Variants in NFIB observed in about 807,000 individuals in gnomAD.
NFIB encodes nuclear factor I B.
A neutral mutation model predicts 61.5 loss-of-function variants in NFIB; 11 were observed. The ratio of observed to expected loss-of-function variants is 0.18; its 90% CI spans 0.11 to 0.30. The LOEUF (loss-of-function observed/expected upper bound fraction) is 0.30, where lower values mean the gene tolerates loss of function less well. Ranked by LOEUF, NFIB falls within the 10% of genes least tolerant of loss-of-function variation. The pLI, the probability that NFIB is intolerant of heterozygous loss-of-function variation, is 1.00. For synonymous variants in NFIB, 260 were observed against 216.5 expected (o/e 1.20, Z -1.76); for missense variants, 471 against 608.9 (o/e 0.77, Z 2.38).
upstream of NFIB, among the ~76,000 whole-genome samples, chr9:14,318,505 C>CTTT (rs34481505): frequency 0.012 from 811 of 66,832 alleles, 28 homozygotes; most frequent in African/African-American, 0.019. Context: ...CACTCGATGC[C>CTTT]TTTTTTTTTT....
At chr9:14,174,200 C>T (rs2045889010) in intron 3 of NFIB, among the ~76,000 whole-genome samples, 2 of 152,016 alleles carry the variant, frequency 1.3e-5, no homozygotes, top group African/African-American at 4.8e-5. Context: ...TTGATTTTAG[C>T]ACTGACCCAT....
chr9:14,232,520 C>T (rs1239473369), intron 2 of NFIB, among the ~76,000 whole-genome samples: 1 of 152,170 alleles, frequency 6.6e-6, no homozygotes, highest in Non-Finnish European at 1.5e-5. Flanking sequence ...AAACAAAAGC[C>T]ATCAGATTTA....
chr9:14,198,621 G>C (rs187157460), intron 2 of NFIB, among the ~76,000 whole-genome samples: 1 of 152,152 alleles, frequency 6.6e-6, no homozygotes, highest in Non-Finnish European at 1.5e-5. Context: ...TGAGATGCTT[G>C]TTAGAAATTC....
chr9:14,327,414 C>T (rs574876746), intron 1 of NFIB, among the ~76,000 whole-genome samples: 15 of 152,132 alleles, frequency 9.9e-5, no homozygotes, highest in East Asian at 9.7e-4. Flanking sequence ...GTCTATATTC[C>T]GTAAGTAAGA....
upstream of NFIB, among the ~76,000 whole-genome samples, chr9:14,400,120 C>G (rs991017321): frequency 7.9e-5 from 12 of 151,910 alleles, no homozygotes; most frequent in African/African-American, 2.9e-4. Context: ...TAGTGTATTG[C>G]AAGCAGCAGA....
At position 14,338,326 on chromosome 9, in the gene NFIB, G is replaced by A. The variant is rs190358129; in HGVS notation, c.109-30806C>T. On this transcript the variant is annotated intron_variant, in intron 1 of 8. Transcript: ENST00000380934. Reference sequence around the variant, plus strand: ...GGAGAATGGCGTGAACCCGGGAGGCGGAGGTTGCAGTGAGCAGAGATCGCG... The same window carrying A: ...GGAGAATGGCGTGAACCCGGGAGGCAGAGGTTGCAGTGAGCAGAGATCGCG... 1.3e-3 allele frequency among the ~76,000 whole-genome samples: 200 copies of A among 152,190 alleles called. 2 individuals are homozygous for A. Among genetic ancestry groups the A allele is most frequent in the East Asian group, 3.9e-3 (20 of 5,176 alleles).
At chr9:14,488,674 G>A in the NFIB span, among the ~76,000 whole-genome samples, 2 of 152,130 alleles carry the variant, frequency 1.3e-5, no homozygotes, top group Admixed American at 6.5e-5. Flanking sequence ...CATAGGCTAC[G>A]CAGCCTCAAC....
At chr9:14,344,870 C>T (rs1289840024) in intron 1 of NFIB, among the ~76,000 whole-genome samples, 2 of 152,132 alleles carry the variant, frequency 1.3e-5, no homozygotes, top group Non-Finnish European at 2.9e-5. Context: ...AACAACATAG[C>T]CATCAAGATT....
chr9:14,219,466 A>G (rs892407912), intron 2 of NFIB, among the ~76,000 whole-genome samples: 4 of 151,580 alleles, frequency 2.6e-5, no homozygotes, highest in Non-Finnish European at 5.9e-5. Flanking sequence ...TCAAAACTGT[A>G]AACCTAAAAT....
At chr9:14,453,822 C>T in the NFIB span, among the ~76,000 whole-genome samples, 120 of 152,006 alleles carry the variant, frequency 7.9e-4, no homozygotes, top group African/African-American at 2.7e-3. Context: ...GTGGCTCACA[C>T]CTGTAATCCC....
At chr9:14,289,564 C>T (rs1013228365) in intron 2 of NFIB, among the ~76,000 whole-genome samples, 4 of 147,564 alleles carry the variant, frequency 2.7e-5, no homozygotes, top group Non-Finnish European at 4.4e-5. Context: ...GATAGATATA[C>T]ACACACACAC....
intron 6 of NFIB, among the ~76,000 whole-genome samples, chr9:14,134,894 T>C (rs113861117): frequency 0.062 from 4,470 of 71,944 alleles, 266 homozygotes; most frequent in African/African-American, 0.22. Flanking sequence ...CGAGACTCTG[T>C]CTCAAAAAAA....
At chr9:14,252,661 T>TACTC (rs112027669) in intron 2 of NFIB, among the ~76,000 whole-genome samples, 36,280 of 151,888 alleles carry the variant, frequency 0.24, 5,464 homozygotes, top group African/African-American at 0.43. Context: ...AACTATCTGT[T>TACTC]ACTACTGGAT....
At chr9:14,098,910 A>G (rs2035297227) in intron 10 of NFIB, among the ~76,000 whole-genome samples, 1 of 152,188 alleles carries the variant, frequency 6.6e-6, no homozygotes. Flanking sequence ...AACTTTCCCA[A>G]AGAGTCAGCT....
the NFIB span, among the ~76,000 whole-genome samples, chr9:14,404,390 C>T: frequency 6.6e-6 from 1 of 152,138 alleles, no homozygotes; most frequent in African/African-American, 2.4e-5. Context: ...TGAAAGCAAA[C>T]CTTCAGAAAT....
At chr9:14,177,538 T>A (rs2046320984) in intron 3 of NFIB, among the ~76,000 whole-genome samples, 1 of 152,130 alleles carries the variant, frequency 6.6e-6, no homozygotes. Flanking sequence ...ACACAAGGCA[T>A]ATTAAAGTCA....
the NFIB span, among the ~76,000 whole-genome samples, chr9:14,478,320 G>A: frequency 6.6e-6 from 1 of 152,268 alleles, no homozygotes; most frequent in East Asian, 1.9e-4. Flanking sequence ...TGCCTCAGAT[G>A]CTGCTAGCCC....
intron 4 of NFIB, among the ~76,000 whole-genome samples, 182 bp from the exon 5 acceptor site, chr9:14,150,447 G>C (rs113527341): frequency 6.6e-6 from 1 of 152,244 alleles, no homozygotes; most frequent in Middle Eastern, 3.4e-3. Context: ...CCTTAGCAAC[G>C]TTCAAGCTTG....
intron 2 of NFIB, among the ~76,000 whole-genome samples, chr9:14,188,653 G>A (rs978591452): frequency 5.9e-5 from 9 of 152,164 alleles, no homozygotes; most frequent in Admixed American, 1.3e-4. Flanking sequence ...ACGCCACTGC[G>A]TACTTTGAGG....
Sources: gnomAD v4.1 joint callset for allele counts (sites outside exome capture counted in the v4.1 genomes callset) on GRCh38, gnomAD v4.1.1 for gene constraint, MANE v1.5 for transcripts, NCBI Gene and HGNC (gene_info 2026-07-23, HGNC 2026-07-21) for gene names.